CLDN19: variants seen among roughly 807,000 people sequenced by gnomAD.
CLDN19 encodes the protein claudin-19.
Under a neutral mutation model 24.5 loss-of-function variants are expected in CLDN19, and 19 were observed. That is an observed-to-expected ratio of 0.78 (90% CI 0.54 to 1.14). The LOEUF (loss-of-function observed/expected upper bound fraction) is 1.14, where lower values mean the gene tolerates loss of function less well. Ranked by LOEUF, CLDN19 falls within the 50% of genes most tolerant of loss-of-function variation. CLDN19 has a pLI of 0.00. For synonymous variants in CLDN19, 117 were observed against 129.6 expected (o/e 0.90, Z 0.66); for missense variants, 250 against 295.9 (o/e 0.84, Z 1.14).
rs1351281461 is a variant in CLDN19 at position 42,735,022 on chromosome 1, C to CA, written c.*63dup. 8.1e-6 allele frequency: 11 copies of CA among 1,361,170 alleles called. No homozygotes were observed. Among genetic ancestry groups the CA allele is most frequent in the Middle Eastern group, 1.8e-4 (1 of 5,630 alleles). 84.3% of individuals were successfully genotyped at this position (1,361,170 alleles called of 1,614,324 possible). On this transcript the variant is annotated 3_prime_UTR_variant, in exon 5 of 5. Coordinates refer to ENST00000296387, the MANE Select transcript of CLDN19 (RefSeq NM_148960.3). ...GGGGCTGGATGTTCACTTCTCTTTC[C>CA]AAAAAAATATGAAACACACAGTCTA...
intron 3 of CLDN19, among the ~76,000 whole-genome samples, 165 bp from the exon 4 acceptor site, chr1:42,736,195 C>G (rs1651365700): frequency 6.6e-6 from 1 of 152,176 alleles, no homozygotes; most frequent in African/African-American, 2.4e-5. Context: ...TCCTTTCTCC[C>G]TCCCCCCCAG....
chr1:42,738,365 C>G (rs1460829493), intron 2 of CLDN19, 52 bp from the exon 3 acceptor site: 2 of 1,613,302 alleles, frequency 1.2e-6, no homozygotes, highest in South Asian at 1.1e-5. Context: ...CCCGAGGCCA[C>G]TGGGGCTGGG....
intron 4 of CLDN19, 34 bp from the exon 5 acceptor site, chr1:42,735,168 A>G (rs748661119): frequency 6.2e-7 from 1 of 1,613,196 alleles, no homozygotes; most frequent in African/African-American, 1.3e-5. Flanking sequence ...TGGTTAGTGG[A>G]GTGAGCTGTG....
intron 4 of CLDN19, 60 bp from the exon 5 acceptor site, chr1:42,735,194 G>A (rs372581520): frequency 1.6e-5 from 25 of 1,608,030 alleles, no homozygotes; most frequent in Non-Finnish European, 2.0e-5. Flanking sequence ...GGGGGCAGGG[G>A]CTGTGCATTC....
intron 3 of CLDN19, among the ~76,000 whole-genome samples, chr1:42,737,518 G>A (rs1232846967): frequency 1.3e-5 from 2 of 152,212 alleles, no homozygotes; most frequent in Non-Finnish European, 2.9e-5. Flanking sequence ...TACTGTCCAG[G>A]GCCCGGGCAC....
intron 3 of CLDN19, among the ~76,000 whole-genome samples, chr1:42,737,044 C>A (rs763886654): frequency 6.6e-6 from 1 of 152,216 alleles, no homozygotes; most frequent in Non-Finnish European, 1.5e-5. Context: ...CCTCTCTCCA[C>A]CCCAAGGCCC....
At chr1:42,738,961 G>A (rs1651462580) in intron 1 of CLDN19, among the ~76,000 whole-genome samples, 1 of 152,118 alleles carries the variant, frequency 6.6e-6, no homozygotes, top group Non-Finnish European at 1.5e-5. Context: ...GGGGGTATCT[G>A]AGGCCCAGCT....
chr1:42,738,508 CA>C lies in CLDN19; in HGVS notation c.300del (p.Gly101AlafsTer2). ...LGFVAMVLSV[V>X]GMKCTRVGDS... ...TCTCCCACCCGCGTACACTTCATGC[CA>C]ACTACGCTGAGGACCATGGCCACGA... On this transcript the variant is annotated frameshift_variant, in exon 2 of 5. Coordinates refer to ENST00000296387, the MANE Select transcript of CLDN19 (RefSeq NM_148960.3). LOFTEE classifies it high-confidence loss of function. The C allele has an allele frequency of 6.2e-7, 1 of 1,614,030 alleles. No homozygotes were observed. Among genetic ancestry groups the C allele is most frequent in the Non-Finnish European group, 8.5e-7 (1 of 1,180,026 alleles).
chr1:42,740,149 A>G lies in CLDN19; in HGVS notation c.-86T>C. The G allele has an allele frequency of 1.0e-6, 1 of 1,001,604 alleles. No homozygotes were observed. Among genetic ancestry groups the G allele is most frequent in the East Asian group, 2.6e-5 (1 of 38,472 alleles). 62.0% of individuals were successfully genotyped at this position (1,001,604 alleles called of 1,614,324 possible). A position where few individuals can be genotyped will look rare whatever the true frequency, so the allele number is the denominator to read the frequency against. On this transcript the variant is annotated 5_prime_UTR_variant, in exon 1 of 5. Coordinates refer to ENST00000296387, the MANE Select transcript of CLDN19 (RefSeq NM_148960.3). ...GCTTTGGTCATGGCCAGGTGGGAGGAGCAGCTGGGCAGGGGGAGCAGCGAG... is the reference window on the plus strand; with the variant it reads ...GCTTTGGTCATGGCCAGGTGGGAGGGGCAGCTGGGCAGGGGGAGCAGCGAG...
intron 4 of CLDN19, chr1:42,735,418 G>C: frequency 7.0e-7 from 1 of 1,421,010 alleles, no homozygotes; most frequent in Non-Finnish European, 9.2e-7. Flanking sequence ...CTGCCCTTGT[G>C]GGGTTGCTGT....
At chr1:42,736,401 C>T (rs1227015569) in intron 3 of CLDN19, among the ~76,000 whole-genome samples, 1 of 151,788 alleles carries the variant, frequency 6.6e-6, no homozygotes, top group East Asian at 1.9e-4. Context: ...CAGTCACATT[C>T]TGGCCCACAG....
rs936351398 is a variant in CLDN19, at chr1:42,734,847, T to G, written c.*239A>C. Reference sequence around the variant, plus strand: ...ACAGAGGGTAGGACCTCTGAATTATTTCTTGCTTAGCCCTGGATGTGCTAT... The same window carrying G: ...ACAGAGGGTAGGACCTCTGAATTATGTCTTGCTTAGCCCTGGATGTGCTAT... On this transcript the variant is annotated 3_prime_UTR_variant, in exon 5 of 5. Coordinates refer to ENST00000296387, the MANE Select transcript of CLDN19 (RefSeq NM_148960.3). The G allele has an allele frequency of 1.8e-6, 1 of 554,804 alleles. No individual in the cohort carries two copies. The highest frequency in any genetic ancestry group is 3.0e-5 in the Admixed American group (1 of 32,858). The allele number at this position is 554,804 out of a possible 1,614,324, so 34.4% of individuals were successfully genotyped here. A position where few individuals can be genotyped will look rare whatever the true frequency, so the allele number is the denominator to read the frequency against.
At position 42,736,020 on chromosome 1, in the gene CLDN19, C is replaced by T; in HGVS notation, c.484G>A (p.Gly162Ser). ...STPVNARYEF[G>S]PALFVGWASA... ...GCCCAGCCCACGAACAGGGCTGGGCCAAATTCATACCTGCAAGGGGTAGGG... is the reference window on the plus strand; with the variant it reads ...GCCCAGCCCACGAACAGGGCTGGGCTAAATTCATACCTGCAAGGGGTAGGG... Residue 162 changes from glycine to serine, a missense_variant, in exon 4 of 5, where the codon GGC becomes AGC. Transcript: ENST00000296387. 3 of 1,573,704 alleles carry T rather than the reference C, an allele frequency of 1.9e-6. No homozygotes were observed. Among genetic ancestry groups the T allele is most frequent in the East Asian group, 4.6e-5 (2 of 43,404 alleles).
intron 4 of CLDN19, 31 bp downstream of exon 4, chr1:42,735,847 G>A (rs1378795834): frequency 1.3e-6 from 2 of 1,563,344 alleles, no homozygotes; most frequent in South Asian, 1.2e-5. Context: ...TGGGTGGGGG[G>A]CTGGCCAGGG....
chr1:42,737,727 G>C (rs1651414946), intron 3 of CLDN19, among the ~76,000 whole-genome samples: 1 of 152,242 alleles, frequency 6.6e-6, no homozygotes, highest in Non-Finnish European at 1.5e-5. Flanking sequence ...CTGTCACCCA[G>C]ACTGGAGTGC....
At position 42,738,566 on chromosome 1, in the gene CLDN19, C is replaced by A; in HGVS notation, c.243G>T (p.Arg81=). Residue 81 remains arginine (R), a synonymous_variant, in exon 2 of 5, where the codon CGG becomes CGT. Transcript: ENST00000296387. ...GGAGCACGGCCACCACCATCAGGGC[C>A]CGCGCTGATTGGATGTGACCTAGGG... The part of the protein sequence containing the change: ...LALDGHIQSA[R]ALMVVAVLLG... 3.7e-6 allele frequency: 6 copies of A among 1,613,818 alleles called. No homozygotes were observed. The highest frequency in any genetic ancestry group is 5.1e-6 in the Non-Finnish European group (6 of 1,180,018).
Position 42,735,873 on chromosome 1 carries a change from C to T in CLDN19, c.626+5G>A, listed in dbSNP as rs373130417. 7.6e-6 allele frequency: 12 copies of T among 1,574,472 alleles called. No individual in the cohort carries two copies. The highest frequency in any genetic ancestry group is 1.3e-5 in the African/African-American group (1 of 74,124). ...CTGGCCAGGGCAGGCGGAGCTCAGA[C>T]GTACTCTCGGGCAGCAGCAGAGGGT... On this transcript the variant is annotated splice_donor_5th_base_variant and intron_variant, in intron 4 of 4. Transcript: ENST00000296387.
Position 42,740,085 on chromosome 1 carries a change from G to T in CLDN19, c.-22C>A. The T allele has an allele frequency of 6.5e-7, 1 of 1,540,212 alleles. No homozygotes were observed. Among genetic ancestry groups the T allele is most frequent in the Non-Finnish European group, 8.8e-7 (1 of 1,139,316 alleles). ...CCATGGCCCAGGAGAGAGGACCGAGGGTCCCAGGACTCAGAGCTGGGCCAG... is the reference window on the plus strand; with the variant it reads ...CCATGGCCCAGGAGAGAGGACCGAGTGTCCCAGGACTCAGAGCTGGGCCAG... On this transcript the variant is annotated 5_prime_UTR_variant, in exon 1 of 5. Transcript: ENST00000296387.
In CLDN19 at chr1:42,740,209, C is replaced by A; in HGVS notation, c.-146G>T. 1 of 695,582 alleles carries A rather than the reference C, an allele frequency of 1.4e-6. No individual in the cohort carries two copies. The highest frequency in any genetic ancestry group is 2.1e-5 in the Admixed American group (1 of 48,752). 43.1% of individuals were successfully genotyped at this position (695,582 alleles called of 1,614,324 possible). On this transcript the variant is annotated 5_prime_UTR_variant, in exon 1 of 5. Transcript: ENST00000296387. ...CAGAGGCAGAGAAGGAGAGGTGGTGCGGCGGCAGCGGCTGGAGCAAAGGCA... is the reference window on the plus strand; with the variant it reads ...CAGAGGCAGAGAAGGAGAGGTGGTGAGGCGGCAGCGGCTGGAGCAAAGGCA...
Sources: gnomAD v4.1 joint callset for allele counts (sites outside exome capture counted in the v4.1 genomes callset) on GRCh38, gnomAD v4.1.1 for gene constraint, MANE v1.5 for transcripts, NCBI Gene and HGNC (gene_info 2026-07-23, HGNC 2026-07-21) for gene names.